Variants in DCX observed in about 807,000 individuals in gnomAD.
DCX encodes doublecortin.
A neutral mutation model predicts 20.9 loss-of-function variants in DCX; 4 were observed. The ratio of observed to expected loss-of-function variants is 0.19; its 90% CI spans 0.09 to 0.44. The LOEUF is 0.44. Among genes scored for constraint, DCX ranks in the 20% least tolerant of loss-of-function variants. The pLI is 0.99. For synonymous variants in DCX, 103 were observed against 111.4 expected (o/e 0.92, Z 0.47); for missense variants, 133 against 296.9 (o/e 0.45, Z 4.06).
chrX:111,305,973 G>T (rs2095044540), intron 6 of DCX, among the ~76,000 whole-genome samples: 1 of 111,086 alleles, frequency 9.0e-6, no homozygotes, highest in South Asian at 3.7e-4. Context: ...TTAAAATAGT[G>T]CACTAAGAAA....
intron 3 of DCX, among the ~76,000 whole-genome samples, chrX:111,364,635 T>C (rs1337635164): frequency 1.8e-5 from 2 of 112,029 alleles, no homozygotes; most frequent in Non-Finnish European, 3.8e-5. Flanking sequence ...CATTTTTTTG[T>C]AATAGCCTCA....
intron 5 of DCX, among the ~76,000 whole-genome samples, chrX:111,326,906 TA>T (rs1367048508): frequency 8.9e-6 from 1 of 111,987 alleles, no homozygotes; most frequent in Admixed American, 9.5e-5. Flanking sequence ...ATCAATTTAC[TA>T]AACCTCAAGT....
intron 5 of DCX, among the ~76,000 whole-genome samples, chrX:111,326,023 C>CT (rs201904468): frequency 0.013 from 1,475 of 111,461 alleles, 10 homozygotes; most frequent in Non-Finnish European, 0.018. Flanking sequence ...GGATACAGGT[C>CT]TTTCATGAAC....
intron 5 of DCX, among the ~76,000 whole-genome samples, chrX:111,319,795 C>T (rs1448944179): frequency 4.5e-5 from 5 of 111,721 alleles, no homozygotes; most frequent in Non-Finnish European, 1.9e-5. Context: ...TGGGCAACCC[C>T]GGTAAGTTCT....
At chrX:111,354,681 A>G (rs1306278076) in intron 3 of DCX, among the ~76,000 whole-genome samples, 1 of 112,503 alleles carries the variant, frequency 8.9e-6, no homozygotes, top group African/African-American at 3.2e-5. Flanking sequence ...ACAGAAATAG[A>G]CTGTATAAAA....
intron 3 of DCX, among the ~76,000 whole-genome samples, chrX:111,363,886 C>T (rs1260185011): frequency 1.8e-5 from 2 of 111,708 alleles, no homozygotes; most frequent in South Asian, 7.5e-4. Context: ...TACTAATTGC[C>T]ATTTGCATGG....
chrX:111,352,824 GCAGA>G (rs1381012791), intron 3 of DCX, among the ~76,000 whole-genome samples: 69 of 93,322 alleles, frequency 7.4e-4, no homozygotes, highest in Admixed American at 4.1e-3. Context: ...GAAAGCTGAG[GCAGA>G]CAGACAGACA....
At chrX:111,339,657 T>C (rs1922047965) in intron 3 of DCX, among the ~76,000 whole-genome samples, 1 of 112,235 alleles carries the variant, frequency 8.9e-6, no homozygotes, top group Non-Finnish European at 1.9e-5. Context: ...TACTCACACA[T>C]TGATATCTCC....
intron 6 of DCX, among the ~76,000 whole-genome samples, chrX:111,302,493 G>A (rs58316201): frequency 0.062 from 6,951 of 111,798 alleles, 565 homozygotes; most frequent in African/African-American, 0.21. Flanking sequence ...GAGTCATATG[G>A]TAATTCCATT....
chrX:111,318,031 A>C (rs779079827), intron 5 of DCX, among the ~76,000 whole-genome samples: 2 of 107,838 alleles, frequency 1.9e-5, no homozygotes, highest in Non-Finnish European at 1.9e-5. Context: ...CTAAAAATAT[A>C]AAAATTAGCT....
At chrX:111,410,844 G>A (rs1222243771) in intron 1 of DCX, 4 of 1,209,301 alleles carry the variant, frequency 3.3e-6, no homozygotes, top group Non-Finnish European at 4.5e-6. Flanking sequence ...ACTAACAGTT[G>A]TAAATGAATC....
chrX:111,408,588 C>T (rs182229121), intron 2 of DCX, among the ~76,000 whole-genome samples: 63 of 92,091 alleles, frequency 6.8e-4, no homozygotes, highest in Non-Finnish European at 1.1e-3. Context: ...GCAACAAGAG[C>T]GAAACTCTGT....
Position 111,295,823 on chromosome X carries a change from A to T in DCX, c.*5864T>A, listed in dbSNP as rs1046710605. ...ACCTAAAGATACATGAGCTATAAGGAAACTGCTTGTAAAGATCTGCTGAGG... is the reference window on the plus strand; with the variant it reads ...ACCTAAAGATACATGAGCTATAAGGTAACTGCTTGTAAAGATCTGCTGAGG... On this transcript the variant is annotated 3_prime_UTR_variant, in exon 7 of 7. Transcript: ENST00000636035. The T allele has an allele frequency of 4.5e-5, 5 of 112,175 alleles. No individual in the cohort carries two copies. The highest frequency in any genetic ancestry group is 1.6e-4 in the African/African-American group (5 of 30,777). 9.2% of individuals were successfully genotyped at this position (112,175 alleles called of 1,213,427 possible).
At chrX:111,316,891 A>G (rs984237641) in intron 5 of DCX, among the ~76,000 whole-genome samples, 1 of 111,978 alleles carries the variant, frequency 8.9e-6, no homozygotes, top group East Asian at 2.8e-4. Flanking sequence ...CTCCACAATG[A>G]GAATTACAAA....
At chrX:111,333,798 C>T (rs1921474056) in intron 3 of DCX, among the ~76,000 whole-genome samples, 1 of 111,526 alleles carries the variant, frequency 9.0e-6, no homozygotes, top group African/African-American at 3.3e-5. Flanking sequence ...GCCATGTTCC[C>T]AGGACCCTCA....
intron 3 of DCX, among the ~76,000 whole-genome samples, chrX:111,361,258 C>T (rs1200237470): frequency 8.9e-6 from 1 of 111,947 alleles, no homozygotes; most frequent in Admixed American, 9.5e-5. Context: ...TTTTGGATTG[C>T]TTTAATTACC....
At chrX:111,398,388 G>A (rs1306827410) in intron 3 of DCX, among the ~76,000 whole-genome samples, 3 of 110,146 alleles carry the variant, frequency 2.7e-5, no homozygotes, top group Non-Finnish European at 5.7e-5. Flanking sequence ...CTCCTTAGCA[G>A]AGACAGAAAT....
At chrX:111,401,495 A>T (rs1270614114) in intron 2 of DCX, among the ~76,000 whole-genome samples, 165 bp from the exon 3 acceptor site, 3 of 112,315 alleles carry the variant, frequency 2.7e-5, no homozygotes. Context: ...TGGCTCATCC[A>T]AATTCAAGAG....
At chrX:111,347,315 T>C (rs1043122474) in intron 3 of DCX, among the ~76,000 whole-genome samples, 1 of 111,585 alleles carries the variant, frequency 9.0e-6, no homozygotes, top group African/African-American at 3.3e-5. Flanking sequence ...TGTTTTCTGA[T>C]TATTTGCTTA....
Sources: gnomAD v4.1 joint callset for allele counts (sites outside exome capture counted in the v4.1 genomes callset) on GRCh38, gnomAD v4.1.1 for gene constraint, MANE v1.5 for transcripts, NCBI Gene and HGNC (gene_info 2026-07-23, HGNC 2026-07-21) for gene names.